The following TRIM37 variants were observed in gnomAD, a reference collection of about 807,000 sequenced individuals.
TRIM37 encodes E3 ubiquitin-protein ligase TRIM37.
TRIM37 carries 80 observed loss-of-function variants against 129.8 expected under a neutral mutation model. The observed-to-expected ratio is 0.62, with a 90% confidence interval of 0.51 to 0.74. The LOEUF (loss-of-function observed/expected upper bound fraction) is 0.74, where lower values mean the gene tolerates loss of function less well. Ranked by LOEUF, TRIM37 falls within the 30% of genes least tolerant of loss-of-function variation. The pLI is 0.00. For synonymous variants in TRIM37, 389 were observed against 387.1 expected, an observed-to-expected ratio of 1.00 and a Z score of -0.06; for missense variants, 1,054 against 1,176.5, an observed-to-expected ratio of 0.90 and a Z score of 1.52.
chr17:59,039,000 C>T (rs1462887344), intron 17 of TRIM37, among the ~76,000 whole-genome samples: 2 of 152,132 alleles, frequency 1.3e-5, no homozygotes, highest in African/African-American at 2.4e-5. Context: ...TGATAGGAGT[C>T]GCCAACCATG....
intron 24 of TRIM37, chr17:58,985,131 G>A (rs1228086316): frequency 6.6e-6 from 1 of 152,624 alleles, no homozygotes; most frequent in East Asian, 1.9e-4. Flanking sequence ...TAAGGTGTAT[G>A]TTGAAATTTT....
intron 22 of TRIM37, among the ~76,000 whole-genome samples, chr17:59,005,879 A>G (rs2034419312): frequency 6.6e-6 from 1 of 152,160 alleles, no homozygotes; most frequent in Non-Finnish European, 1.5e-5. Flanking sequence ...ACACACATAA[A>G]ACGGCGATAT....
At chr17:58,979,926 C>A, downstream of TRIM37, 3 of 1,460,204 alleles carry the variant, frequency 2.1e-6, no homozygotes, top group Non-Finnish European at 2.8e-6. Context: ...TCTTAGCATG[C>A]AAGGTAAAAC....
chr17:59,014,640 A>G (rs1435348736), intron 21 of TRIM37, among the ~76,000 whole-genome samples: 2 of 151,992 alleles, frequency 1.3e-5, no homozygotes, highest in Non-Finnish European at 2.9e-5. Context: ...TTTGTTTCAT[A>G]CAAAATATAT....
chr17:59,054,190 C>T (rs190347241), intron 13 of TRIM37, among the ~76,000 whole-genome samples: 1 of 152,214 alleles, frequency 6.6e-6, no homozygotes, highest in East Asian at 1.9e-4. Context: ...CTGTTAAATA[C>T]TCTGAAACTT....
At chr17:59,031,545 T>C (rs900272573) in intron 18 of TRIM37, among the ~76,000 whole-genome samples, 1 of 152,240 alleles carries the variant, frequency 6.6e-6, no homozygotes, top group African/African-American at 2.4e-5. Context: ...CTACGTTCAA[T>C]TTAGATATAG....
chr17:59,035,958 GC>G lies in TRIM37; in HGVS notation c.1754-3869del, dbSNP rs112362378. Among the ~76,000 whole-genome samples the G allele has an allele frequency of 8.9e-3, 1,351 of 152,108 alleles. 28 individuals are homozygous for G. Among genetic ancestry groups the G allele is most frequent in the African/African-American group, 0.03 (1,247 of 41,472 alleles). On this transcript the variant is annotated intron_variant, in intron 17 of 23. Transcript: ENST00000262294. ...TGTATGCATTATCATGACACTCAAGGCCCTATTATAGTCTAGTCTCAAACTA... is the reference window on the plus strand; with the variant it reads ...TGTATGCATTATCATGACACTCAAGGCCTATTATAGTCTAGTCTCAAACTA...
chr17:59,056,867 C>CCTGTTACCTTAAAATCA lies in TRIM37; in HGVS notation c.1190_1199+7dup. On this transcript the variant is annotated splice_region_variant and intron_variant, in intron 13 of 23. Coordinates refer to ENST00000262294, the MANE Select transcript of TRIM37 (RefSeq NM_015294.6). ...ATAAAAACCACAACATCAAATTTTT[C>CCTGTTACCTTAAAATCA]CTGTTACCTTAAAATCACTGTATCA... is the stretch of plus-strand genomic sequence containing the variant. The CCTGTTACCTTAAAATCA allele has an allele frequency of 6.2e-7, 1 of 1,612,098 alleles. No individual in the cohort carries two copies. Among genetic ancestry groups the CCTGTTACCTTAAAATCA allele is most frequent in the South Asian group, 1.1e-5 (1 of 90,996 alleles).
At chr17:59,104,190 C>A (rs1030059998) in intron 2 of TRIM37, 103 bp downstream of exon 2, 1 of 1,119,036 alleles carries the variant, frequency 8.9e-7, no homozygotes, top group African/African-American at 1.6e-5. Flanking sequence ...TGCAAGCAAG[C>A]ACTTTAGGGC....
chr17:59,085,336 A>G (rs1246926919), intron 4 of TRIM37, among the ~76,000 whole-genome samples: 1 of 152,160 alleles, frequency 6.6e-6, no homozygotes, highest in Non-Finnish European at 1.5e-5. Context: ...CAAAAAAAAA[A>G]GAAAAGAATG....
At chr17:59,048,440 T>G (rs1243052832) in intron 15 of TRIM37, among the ~76,000 whole-genome samples, 2 of 152,220 alleles carry the variant, frequency 1.3e-5, no homozygotes, top group Non-Finnish European at 2.9e-5. Context: ...TCCCTTCTTA[T>G]GTAAAAATAT....
intron 17 of TRIM37, among the ~76,000 whole-genome samples, chr17:59,033,856 G>A (rs1299303918): frequency 1.3e-5 from 2 of 151,612 alleles, no homozygotes; most frequent in South Asian, 2.1e-4. Flanking sequence ...AGTGGCTCAC[G>A]CCTGTTATCC....
intron 13 of TRIM37, among the ~76,000 whole-genome samples, chr17:59,055,759 A>G (rs1479862526): frequency 6.6e-6 from 1 of 151,180 alleles, no homozygotes; most frequent in East Asian, 1.9e-4. Context: ...AACAACAGAC[A>G]CTGGGGCCTA....
chr17:59,061,250 G>C (rs1403490425), intron 11 of TRIM37, 142 bp from the exon 12 acceptor site: 4 of 698,258 alleles, frequency 5.7e-6, no homozygotes, highest in Admixed American at 2.6e-5. Context: ...CAATAGATTT[G>C]AGTTCTTAAC....
Position 59,085,116 on chromosome 17 carries a change from G to T in TRIM37, c.282-1027C>A, listed in dbSNP as rs950158609. ...AAGGCGGGTGGAACACTTGAAGCCAGGAGTTTGAGACTGGCCTGGCCAATA... is the reference window on the plus strand; with the variant it reads ...AAGGCGGGTGGAACACTTGAAGCCATGAGTTTGAGACTGGCCTGGCCAATA... On this transcript the variant is annotated intron_variant, in intron 4 of 23. Coordinates refer to ENST00000262294, the MANE Select transcript of TRIM37 (RefSeq NM_015294.6). Among the ~76,000 whole-genome samples the T allele has an allele frequency of 5.3e-5, 8 of 152,242 alleles. No individual in the cohort carries two copies. The South Asian group carries it at 1.5e-3, about 28-fold the overall frequency.
At chr17:59,064,617 A>C (rs1016824334) in intron 9 of TRIM37, among the ~76,000 whole-genome samples, 1 of 152,144 alleles carries the variant, frequency 6.6e-6, no homozygotes, top group African/African-American at 2.4e-5. Context: ...ATACTTTATA[A>C]AAGTTTTTTG....
intron 22 of TRIM37, among the ~76,000 whole-genome samples, chr17:59,007,231 C>CCACACACACACACACACACACACACA (rs35675752): frequency 1.1e-4 from 11 of 97,500 alleles, no homozygotes; most frequent in African/African-American, 4.1e-4. Flanking sequence ...CCCCACCCAC[C>CCACACACACACACACACACACACACA]CACACACACA....
the TRIM37 span, among the ~76,000 whole-genome samples, chr17:58,970,263 A>G: frequency 6.6e-6 from 1 of 152,246 alleles, no homozygotes; most frequent in Non-Finnish European, 1.5e-5. Context: ...AGAAGAGCTC[A>G]TGTCCTACAT....
chr17:59,070,738 T>TA (rs200622963), intron 9 of TRIM37, 85 bp downstream of exon 9: 174,648 of 1,029,132 alleles, frequency 0.17, 8 homozygotes, highest in South Asian at 0.24. Context: ...GAGATGGCAT[T>TA]AAAAAAAAAA....
Sources: allele counts gnomAD v4.1 joint callset (sites outside exome capture counted in the v4.1 genomes callset), GRCh38; gene constraint gnomAD v4.1.1; transcripts MANE v1.5; gene names NCBI Gene and HGNC (gene_info 2026-07-23, HGNC 2026-07-21).